Variants in WWOX observed in about 807,000 individuals in gnomAD.
WWOX encodes WW domain-containing oxidoreductase.
In WWOX, 69 loss-of-function variants were observed where a neutral mutation model predicts 46.2. The ratio of observed to expected loss-of-function variants is 1.49; its 90% CI spans 1.23 to 1.82. The LOEUF is 1.82. Among genes scored for constraint, WWOX ranks in the 40% most tolerant of loss-of-function variants. The pLI, the probability that WWOX is intolerant of heterozygous loss-of-function variation, is 0.00. For missense variants in WWOX, 919 were observed against 542.6 expected (o/e 1.69, Z -6.89); for synonymous variants, 359 against 202.6 (o/e 1.77, Z -6.56).
At chr16:78,807,190 C>A (rs191497673) in intron 8 of WWOX, among the ~76,000 whole-genome samples, 1 of 152,226 alleles carries the variant, frequency 6.6e-6, no homozygotes, top group East Asian at 1.9e-4. Flanking sequence ...ATCTATGTCA[C>A]TGAGTACATC....
At chr16:79,080,341 TG>T (rs1485790686) in intron 8 of WWOX, among the ~76,000 whole-genome samples, 1 of 151,740 alleles carries the variant, frequency 6.6e-6, no homozygotes, top group Admixed American at 6.6e-5. Context: ...ATCAGCTATT[TG>T]TATTCCTCTG....
At chr16:78,118,045 C>CTTT (rs34141728) in intron 4 of WWOX, among the ~76,000 whole-genome samples, 1 of 138,422 alleles carries the variant, frequency 7.2e-6, no homozygotes, top group African/African-American at 2.6e-5. Flanking sequence ...TTCTTTCTTT[C>CTTT]TTTTTTTTTT....
chr16:78,159,149 T>TTGTG, intron 4 of WWOX, among the ~76,000 whole-genome samples: 1 of 150,782 alleles, frequency 6.6e-6, no homozygotes, highest in South Asian at 2.1e-4. Context: ...TTGTGTGTGT[T>TTGTG]TGTGTGTGTG....
chr16:79,107,148 C>T (rs189233802), intron 8 of WWOX, among the ~76,000 whole-genome samples: 5 of 152,176 alleles, frequency 3.3e-5, no homozygotes, highest in Admixed American at 2.6e-4. Context: ...ACTATGTTGC[C>T]CAGGTTGGTC....
chr16:79,212,238 G>C lies in WWOX; in HGVS notation c.*442G>C, dbSNP rs1257476766. ...AAGCAAGTGTTCACTGCTCCTTGCT[G>C]CATTGATCCAGGAGATAATTGTTTC... is the stretch of plus-strand genomic sequence containing the variant. On this transcript the variant is annotated 3_prime_UTR_variant, in exon 9 of 9. Transcript: ENST00000566780. 1 of 1,354,408 alleles carries C rather than the reference G, an allele frequency of 7.4e-7. No homozygotes were observed. The highest frequency in any genetic ancestry group is 9.7e-7 in the Non-Finnish European group (1 of 1,026,078). The allele number at this position is 1,354,408 out of a possible 1,614,324, so 83.9% of individuals were successfully genotyped here.
At chr16:78,671,490 G>A (rs1357044712) in intron 8 of WWOX, among the ~76,000 whole-genome samples, 1 of 152,130 alleles carries the variant, frequency 6.6e-6, no homozygotes, top group Admixed American at 6.5e-5. Context: ...GTGGCCCTAG[G>A]AAACCAGTAT....
intron 8 of WWOX, among the ~76,000 whole-genome samples, chr16:78,907,003 C>G (rs1182699421): frequency 6.6e-6 from 1 of 152,070 alleles, no homozygotes; most frequent in African/African-American, 2.4e-5. Flanking sequence ...CAGATAAAGC[C>G]GATTTATCTA....
At chr16:78,601,834 A>C (rs2045630022) in intron 8 of WWOX, among the ~76,000 whole-genome samples, 1 of 151,206 alleles carries the variant, frequency 6.6e-6, no homozygotes, top group African/African-American at 2.5e-5. Flanking sequence ...AACTGGGAAT[A>C]TTCGACTCTG....
intron 8 of WWOX, among the ~76,000 whole-genome samples, chr16:78,783,926 ATGATGGTGATGCTGGTGCTGTTGG>A (rs1306114525): frequency 1.3e-5 from 2 of 151,900 alleles, no homozygotes; most frequent in South Asian, 2.1e-4. Flanking sequence ...GATGTCGATA[ATGATGGTGATGCTGGTGCTGTTGG>A]TGATGGTGAT....
At chr16:79,059,703 C>G (rs1374566877) in intron 8 of WWOX, among the ~76,000 whole-genome samples, 1 of 152,060 alleles carries the variant, frequency 6.6e-6, no homozygotes, top group Admixed American at 6.6e-5. Context: ...ACTATGTTGG[C>G]CAGGCATCTC....
intron 8 of WWOX, among the ~76,000 whole-genome samples, chr16:78,894,441 A>AT (rs1017909847): frequency 2.0e-5 from 3 of 152,236 alleles, no homozygotes; most frequent in South Asian, 4.1e-4. Flanking sequence ...GTCCTAGACT[A>AT]TTTTTTGTCT....
At chr16:78,942,240 G>T (rs1439220933) in intron 8 of WWOX, among the ~76,000 whole-genome samples, 1 of 152,092 alleles carries the variant, frequency 6.6e-6, no homozygotes, top group Non-Finnish European at 1.5e-5. Context: ...TAAAGTAGTA[G>T]GCTTCTTAAA....
intron 8 of WWOX, among the ~76,000 whole-genome samples, chr16:79,124,022 C>A (rs1337389003): frequency 6.6e-6 from 1 of 152,106 alleles, no homozygotes; most frequent in East Asian, 1.9e-4. Flanking sequence ...TTCTCGAGCC[C>A]CTGATTGTCT....
chr16:78,690,846 C>T (rs891905827), intron 8 of WWOX, among the ~76,000 whole-genome samples: 39 of 152,292 alleles, frequency 2.6e-4, no homozygotes, highest in Middle Eastern at 3.4e-3. Flanking sequence ...GCAGCCTACC[C>T]AGGATGGCTT....
intron 8 of WWOX, among the ~76,000 whole-genome samples, chr16:78,776,340 G>A (rs368510143): frequency 1.3e-5 from 2 of 152,060 alleles, no homozygotes; most frequent in Non-Finnish European, 2.9e-5. Flanking sequence ...GGCATCTCGT[G>A]CGAAGCCCCT....
intron 8 of WWOX, among the ~76,000 whole-genome samples, chr16:79,157,958 C>T (rs992428446): frequency 2.0e-5 from 3 of 152,058 alleles, no homozygotes; most frequent in Non-Finnish European, 4.4e-5. Context: ...TGGCCTGGGG[C>T]ATGAGAAATA....
chr16:78,866,643 C>T (rs954464594), intron 8 of WWOX, among the ~76,000 whole-genome samples: 3 of 152,150 alleles, frequency 2.0e-5, no homozygotes, highest in African/African-American at 4.8e-5. Flanking sequence ...TGGCTCCTGG[C>T]GGTGTTTTTG....
At chr16:78,551,019 C>G (rs1368486733) in intron 8 of WWOX, 6 of 152,022 alleles carry the variant, frequency 3.9e-5, no homozygotes, top group African/African-American at 1.4e-4. Context: ...TTCAGTGAAA[C>G]AAATACCTAA....
At chr16:78,474,082 T>C (rs2084298621) in intron 8 of WWOX, among the ~76,000 whole-genome samples, 1 of 152,240 alleles carries the variant, frequency 6.6e-6, no homozygotes, top group Non-Finnish European at 1.5e-5. Context: ...ACGTCTTCTT[T>C]TATAACAGCT....
Sources: allele counts gnomAD v4.1 joint callset (sites outside exome capture counted in the v4.1 genomes callset), GRCh38; gene constraint gnomAD v4.1.1; transcripts MANE v1.5; gene names NCBI Gene and HGNC (gene_info 2026-07-23, HGNC 2026-07-21).